STK32B: variants seen among roughly 807,000 people sequenced by gnomAD.
STK32B encodes serine/threonine-protein kinase 32B.
In STK32B, 43 loss-of-function variants were observed where a neutral mutation model predicts 52.6. The observed-to-expected ratio is 0.82, with a 90% confidence interval of 0.64 to 1.05. STK32B has a LOEUF of 1.05. Ranked by LOEUF, STK32B falls within the 50% of genes least tolerant of loss-of-function variation. The probability of loss-of-function intolerance (pLI) is 0.00; values close to 1 mark genes in which losing one functional copy is unlikely to be tolerated. For missense variants in STK32B, 621 were observed against 534.6 expected (o/e 1.16, Z -1.59); for synonymous variants, 238 against 204.3 (o/e 1.17, Z -1.41).
chr4:5,181,434 T>G (rs1720355500), intron 3 of STK32B, among the ~76,000 whole-genome samples: 1 of 152,020 alleles, frequency 6.6e-6, no homozygotes. Flanking sequence ...GATATCCAGC[T>G]TTTAGAACTG....
chr4:5,149,060 A>G (rs1212729552), intron 2 of STK32B, among the ~76,000 whole-genome samples: 1 of 151,782 alleles, frequency 6.6e-6, no homozygotes, highest in Non-Finnish European at 1.5e-5. Context: ...TATTGCGTTC[A>G]GACATTTTTC....
At chr4:5,106,230 G>A (rs1714101678) in intron 1 of STK32B, among the ~76,000 whole-genome samples, 1 of 152,100 alleles carries the variant, frequency 6.6e-6, no homozygotes, top group Non-Finnish European at 1.5e-5. Flanking sequence ...TGAACCTGGA[G>A]GCAGAGGTTG....
intron 3 of STK32B, among the ~76,000 whole-genome samples, chr4:5,315,149 A>T (rs1448003323): frequency 6.6e-6 from 1 of 152,182 alleles, no homozygotes; most frequent in East Asian, 1.9e-4. Flanking sequence ...AATCCAATTA[A>T]AAAATGAGCA....
intron 3 of STK32B, among the ~76,000 whole-genome samples, chr4:5,276,545 C>T (rs1727836362): frequency 6.6e-6 from 1 of 152,038 alleles, no homozygotes; most frequent in African/African-American, 2.4e-5. Context: ...GTAGTTAATA[C>T]ATCATGTTGC....
Position 5,470,790 on chromosome 4 carries a change from TG to T in STK32B, c.1106+2721del, listed in dbSNP as rs1353211504. ...TTTAAACCAAGAAAAAAGTGAGACC[TG>T]TTTATCCTTCACTTCTGTCTGGAAT... is the stretch of plus-strand genomic sequence containing the variant. On this transcript the variant is annotated intron_variant, in intron 11 of 11. Transcript: ENST00000282908. The surrounding 1 kb of genome is among the most constrained non-coding windows in gnomAD (Gnocchi z 4.6). Among the ~76,000 whole-genome samples, 1 of 152,262 alleles carries T rather than the reference TG, an allele frequency of 6.6e-6. No homozygotes were observed. Among genetic ancestry groups the T allele is most frequent in the Admixed American group, 6.5e-5 (1 of 15,292 alleles).
At chr4:5,424,267 C>T (rs1212485877) in intron 6 of STK32B, among the ~76,000 whole-genome samples, 1 of 152,186 alleles carries the variant, frequency 6.6e-6, no homozygotes, top group Non-Finnish European at 1.5e-5. Flanking sequence ...TCAGCACAAA[C>T]AGCCTGGCCC....
At chr4:5,393,117 G>C (rs1335029553) in intron 4 of STK32B, among the ~76,000 whole-genome samples, 2 of 152,306 alleles carry the variant, frequency 1.3e-5, no homozygotes, top group East Asian at 3.9e-4. Context: ...TCCCATTCAA[G>C]TTGGCTAAGG....
At chr4:5,172,944 T>G (rs989391022) in intron 3 of STK32B, among the ~76,000 whole-genome samples, 2 of 152,216 alleles carry the variant, frequency 1.3e-5, no homozygotes, top group Non-Finnish European at 2.9e-5. Context: ...GGTCCTGGAA[T>G]TTTTTTAGTT....
chr4:5,387,210 A>C (rs551736378), intron 4 of STK32B, among the ~76,000 whole-genome samples: 1 of 152,338 alleles, frequency 6.6e-6, no homozygotes. Flanking sequence ...TTGGCCTTGT[A>C]CGGAAGCCTG....
intron 3 of STK32B, among the ~76,000 whole-genome samples, chr4:5,241,935 C>T (rs1329277917): frequency 6.6e-6 from 1 of 152,176 alleles, no homozygotes; most frequent in Non-Finnish European, 1.5e-5. Flanking sequence ...CATAGTATTC[C>T]ATGGTGTATA....
chr4:5,140,334 A>AT lies in STK32B; in HGVS notation c.108+382dup, dbSNP rs539063832. The AT allele has an allele frequency of 7.7e-3, 9,548 of 1,246,450 alleles. 37 individuals are homozygous for AT. The highest frequency in any genetic ancestry group is 9.2e-3 in the Non-Finnish European group (8,945 of 967,534). 77.2% of individuals were successfully genotyped at this position (1,246,450 alleles called of 1,614,324 possible). ...AAGTTCATATTTGTGATCTTTGACTATTTTTTTTGAAAAGGTATAGAAGGC... is the reference window on the plus strand; with the variant it reads ...AAGTTCATATTTGTGATCTTTGACTATTTTTTTTTGAAAAGGTATAGAAGGC... On this transcript the variant is annotated intron_variant, in intron 2 of 11. Coordinates refer to ENST00000282908, the MANE Select transcript of STK32B (RefSeq NM_018401.3).
chr4:5,245,707 G>C (rs1725395592), intron 3 of STK32B, among the ~76,000 whole-genome samples: 1 of 152,130 alleles, frequency 6.6e-6, no homozygotes, highest in Non-Finnish European at 1.5e-5. Flanking sequence ...GCAGTGGCTG[G>C]TACCAGTTGT....
chr4:5,201,397 C>T (rs916564053), intron 3 of STK32B, among the ~76,000 whole-genome samples: 1 of 152,180 alleles, frequency 6.6e-6, no homozygotes, highest in Non-Finnish European at 1.5e-5. Flanking sequence ...AGTATAGGCA[C>T]AACCGTGGAA....
rs1205889668 is a variant in STK32B, at chr4:5,398,100, G to C, written c.435-107G>C. 8.0e-7 allele frequency: 1 copy of C among 1,242,566 alleles called. No homozygotes were observed. Among genetic ancestry groups the C allele is most frequent in the Non-Finnish European group, 1.1e-6 (1 of 872,798 alleles). The allele number at this position is 1,242,566 out of a possible 1,614,324, so 77.0% of individuals were successfully genotyped here. ...TGTCTGAGGCTTCAGGTCAGGGAGA[G>C]GTGAGCAGCCTGGGTGTTCCAGCAT... On this transcript the variant is annotated intron_variant, in intron 4 of 11. Coordinates refer to ENST00000282908, the MANE Select transcript of STK32B (RefSeq NM_018401.3). This position sits in a 1 kb window ranked among gnomAD's most constrained non-coding sequence, Gnocchi z 4.9.
chr4:5,371,880 A>C (rs1483451518), intron 4 of STK32B, among the ~76,000 whole-genome samples: 1 of 152,216 alleles, frequency 6.6e-6, no homozygotes, highest in African/African-American at 2.4e-5. Flanking sequence ...TTCAGACAAA[A>C]GTACTGTGTA....
intron 11 of STK32B, among the ~76,000 whole-genome samples, chr4:5,472,361 C>G (rs1717911002): frequency 6.6e-6 from 1 of 152,178 alleles, no homozygotes; most frequent in Non-Finnish European, 1.5e-5. Context: ...AAACAGAGAA[C>G]AAAATTAAAA....
intron 3 of STK32B, among the ~76,000 whole-genome samples, chr4:5,235,723 A>T (rs986258593): frequency 6.6e-6 from 1 of 152,234 alleles, no homozygotes; most frequent in Non-Finnish European, 1.5e-5. Context: ...CTAAAAATAG[A>T]GTCTTCGATT....
chr4:5,099,804 C>T (rs865957595), intron 1 of STK32B, among the ~76,000 whole-genome samples: 6 of 152,064 alleles, frequency 3.9e-5, no homozygotes, highest in Admixed American at 2.6e-4. Flanking sequence ...ATGAGAGTTG[C>T]GCCCATTCTG....
At position 5,467,391 on chromosome 4, in the gene STK32B, G is replaced by A. The variant is rs1431347597; in HGVS notation, c.1041+557G>A. Among the ~76,000 whole-genome samples, 1 of 152,150 alleles carries A rather than the reference G, an allele frequency of 6.6e-6. No individual in the cohort carries two copies. On this transcript the variant is annotated intron_variant, in intron 10 of 11. Coordinates refer to ENST00000282908, the MANE Select transcript of STK32B (RefSeq NM_018401.3). The surrounding 1 kb of genome is among the most constrained non-coding windows in gnomAD (Gnocchi z 5.8). ...CCCCCTTGTCCTTCGCTGGCTCGCA[G>A]CTGCATGGTTCCAGTCTCTCCCTCC...
Sources: gnomAD v4.1 joint callset for allele counts (sites outside exome capture counted in the v4.1 genomes callset) on GRCh38, gnomAD v4.1.1 for gene constraint, Gnocchi (gnomAD v3.1) non-coding constraint, MANE v1.5 for transcripts, NCBI Gene and HGNC (gene_info 2026-07-23, HGNC 2026-07-21) for gene names.